GALM: variants seen among roughly 807,000 people sequenced by gnomAD.
GALM encodes the protein galactose mutarotase.
In GALM, 43 loss-of-function variants were observed where a neutral mutation model predicts 37.4. The observed-to-expected ratio is 1.15, with a 90% confidence interval of 0.90 to 1.48. The LOEUF is 1.48. Ranked by LOEUF, GALM falls within the 40% of genes most tolerant of loss-of-function variation. The pLI is 0.00. For synonymous variants in GALM, 199 were observed against 170.6 expected, an observed-to-expected ratio of 1.17 and a Z score of -1.30; for missense variants, 456 against 419.1, an observed-to-expected ratio of 1.09 and a Z score of -0.77.
intron 4 of GALM, among the ~76,000 whole-genome samples, chr2:38,696,041 T>C (rs1665797428): frequency 6.6e-6 from 1 of 151,886 alleles, no homozygotes; most frequent in Non-Finnish European, 1.5e-5. Context: ...GGTCATGAGA[T>C]TTCTCATTAA....
chr2:38,700,095 G>C (rs377066757), intron 4 of GALM, among the ~76,000 whole-genome samples: 1 of 151,938 alleles, frequency 6.6e-6, no homozygotes, highest in African/African-American at 2.4e-5. Context: ...GGGATTACAG[G>C]TGCCCGCCAC....
chr2:38,720,806 C>T (rs545422986), intron 4 of GALM, among the ~76,000 whole-genome samples: 5 of 152,202 alleles, frequency 3.3e-5, no homozygotes, highest in Non-Finnish European at 7.3e-5. Flanking sequence ...AGCCTCTCCA[C>T]GTGACTTGAG....
rs1666652177 is a variant in GALM, at chr2:38,733,710, G to C, written c.*145G>C. 1.4e-6 allele frequency: 1 copy of C among 690,334 alleles called. No individual in the cohort carries two copies. Among genetic ancestry groups the C allele is most frequent in the Non-Finnish European group, 2.6e-6 (1 of 381,866 alleles). The allele number at this position is 690,334 out of a possible 1,614,324, so 42.8% of individuals were successfully genotyped here. A position where few individuals can be genotyped will look rare whatever the true frequency, so the allele number is the denominator to read the frequency against. Reference sequence around the variant, plus strand: ...GTGGCTGTTCTGAGAATCAGTCTGGGTATTGATTTCCTTTTCCAGTGACTG... The same window carrying C: ...GTGGCTGTTCTGAGAATCAGTCTGGCTATTGATTTCCTTTTCCAGTGACTG... On this transcript the variant is annotated 3_prime_UTR_variant, in exon 7 of 7. Transcript: ENST00000272252.
chr2:38,727,384 G>A (rs1029345753), intron 4 of GALM, among the ~76,000 whole-genome samples: 2 of 152,058 alleles, frequency 1.3e-5, no homozygotes, highest in Non-Finnish European at 2.9e-5. Flanking sequence ...CAGAACTCCA[G>A]TCTTCAGGCA....
At chr2:38,703,919 G>C (rs1665981746) in intron 4 of GALM, among the ~76,000 whole-genome samples, 1 of 151,996 alleles carries the variant, frequency 6.6e-6, no homozygotes, top group Admixed American at 6.6e-5. Context: ...GGAGGCTGAG[G>C]CACAAGAATT....
intron 4 of GALM, among the ~76,000 whole-genome samples, chr2:38,729,148 T>C (rs773509164): frequency 1.3e-5 from 2 of 152,048 alleles, no homozygotes; most frequent in Non-Finnish European, 2.9e-5. Context: ...TACTCCCATA[T>C]ACTCTATTTA....
At chr2:38,728,372 C>A (rs1330451789) in intron 4 of GALM, among the ~76,000 whole-genome samples, 2 of 146,630 alleles carry the variant, frequency 1.4e-5, no homozygotes, top group Non-Finnish European at 3.0e-5. Context: ...CCAGCCTGGG[C>A]GACGAGCAAA....
At chr2:38,666,443 C>A in intron 1 of GALM, 92 bp downstream of exon 1, 2 of 1,020,052 alleles carry the variant, frequency 2.0e-6, no homozygotes, top group Non-Finnish European at 2.9e-6. Context: ...TGCGAGGGAC[C>A]AAGGGGGAAA....
At chr2:38,698,868 C>T (rs564048901) in intron 4 of GALM, among the ~76,000 whole-genome samples, 1 of 152,174 alleles carries the variant, frequency 6.6e-6, no homozygotes, top group Non-Finnish European at 1.5e-5. Flanking sequence ...ACCTCGGCCT[C>T]CTAAAGTGCT....
chr2:38,705,638 GC>G (rs760821232), intron 4 of GALM, among the ~76,000 whole-genome samples: 4 of 152,172 alleles, frequency 2.6e-5, no homozygotes, highest in Non-Finnish European at 5.9e-5. Context: ...AAGCCAATAA[GC>G]CAAAGAGACA....
intron 3 of GALM, 24 bp from the exon 4 acceptor site, chr2:38,689,789 C>A (rs898642640): frequency 1.4e-6 from 2 of 1,408,742 alleles, no homozygotes; most frequent in Non-Finnish European, 2.0e-6. Context: ...AGCAGAAAAC[C>A]TTTCCCCTAC....
chr2:38,696,772 C>A (rs1665815480), intron 4 of GALM, among the ~76,000 whole-genome samples: 1 of 147,756 alleles, frequency 6.8e-6, no homozygotes. Flanking sequence ...GCACCTACCC[C>A]CAAGAAAGCT....
chr2:38,717,839 C>A (rs572708833), intron 4 of GALM, among the ~76,000 whole-genome samples: 1 of 151,338 alleles, frequency 6.6e-6, no homozygotes, highest in South Asian at 2.1e-4. Flanking sequence ...TATATAAAAC[C>A]ATTTTCTTTT....
chr2:38,707,648 A>G (rs1311305952), intron 4 of GALM, among the ~76,000 whole-genome samples: 2 of 152,210 alleles, frequency 1.3e-5, no homozygotes, highest in African/African-American at 4.8e-5. Flanking sequence ...ATTCAGGAAT[A>G]TAGGCCAATA....
At chr2:38,703,799 G>A (rs1354345671) in intron 4 of GALM, among the ~76,000 whole-genome samples, 2 of 152,172 alleles carry the variant, frequency 1.3e-5, no homozygotes, top group East Asian at 3.9e-4. Flanking sequence ...GATTGCCTGA[G>A]ATCAGGAGTT....
chr2:38,685,263 C>T (rs867792804), intron 3 of GALM, among the ~76,000 whole-genome samples: 11 of 152,076 alleles, frequency 7.2e-5, no homozygotes, highest in Admixed American at 3.9e-4. Flanking sequence ...GGAAATGGAG[C>T]GGGGGTGGGT....
chr2:38,686,982 T>A (rs1572519311), intron 3 of GALM, among the ~76,000 whole-genome samples: 1 of 152,148 alleles, frequency 6.6e-6, no homozygotes, highest in African/African-American at 2.4e-5. Context: ...ACTATTCAGC[T>A]CTGTATGTGG....
In GALM at chr2:38,690,331, T is replaced by A. The variant is rs191242285; in HGVS notation, c.634+437T>A. 4.4e-4 allele frequency among the ~76,000 whole-genome samples: 67 copies of A among 151,960 alleles called. No individual in the cohort carries two copies. In the East Asian group the frequency reaches 5.8e-3, roughly 13 times the overall value. Reference sequence around the variant, plus strand: ...ATTTTTTTTTAAGATTAAAAAAAAATTTTTTTAATGCAAAAGAAACTAAAG... The same window carrying A: ...ATTTTTTTTTAAGATTAAAAAAAAAATTTTTTAATGCAAAAGAAACTAAAG... On this transcript the variant is annotated intron_variant, in intron 4 of 6. Coordinates refer to ENST00000272252, the MANE Select transcript of GALM (RefSeq NM_138801.3).
At chr2:38,724,171 G>A (rs911577154) in intron 4 of GALM, among the ~76,000 whole-genome samples, 2 of 152,078 alleles carry the variant, frequency 1.3e-5, no homozygotes, top group African/African-American at 2.4e-5. Flanking sequence ...TGTCCATCTC[G>A]GCCTCCCAAA....
Sources: allele counts gnomAD v4.1 joint callset (sites outside exome capture counted in the v4.1 genomes callset), GRCh38; gene constraint gnomAD v4.1.1; transcripts MANE v1.5; gene names NCBI Gene and HGNC (gene_info 2026-07-23, HGNC 2026-07-21).